Variants in NT5E observed in about 807,000 individuals in gnomAD.
NT5E encodes the protein 5'-nucleotidase.
A neutral mutation model predicts 55.1 loss-of-function variants in NT5E; 53 were observed. The ratio of observed to expected loss-of-function variants is 0.96; its 90% CI spans 0.77 to 1.21. The LOEUF is 1.21. NT5E is among the 50% of genes most tolerant of loss of function. NT5E has a pLI of 0.00. For missense variants in NT5E, 683 were observed against 724.3 expected, an observed-to-expected ratio of 0.94 and a Z score of 0.65; for synonymous variants, 270 against 278.4, an observed-to-expected ratio of 0.97 and a Z score of 0.30.
chr6:85,486,577 T>C (rs1769668581), intron 4 of NT5E, among the ~76,000 whole-genome samples: 6 of 152,212 alleles, frequency 3.9e-5, no homozygotes, highest in Admixed American at 2.6e-4. Context: ...GGGATAGGAA[T>C]CTTGGTGATG....
At position 85,494,195 on chromosome 6, in the gene NT5E, A is replaced by C. The variant is rs922926512; in HGVS notation, c.*191A>C. 20 of 616,652 alleles carry C rather than the reference A, an allele frequency of 3.2e-5. No homozygotes were observed. Among genetic ancestry groups the C allele is most frequent in the Non-Finnish European group, 5.1e-5 (18 of 353,384 alleles). 38.2% of individuals were successfully genotyped at this position (616,652 alleles called of 1,614,324 possible). On this transcript the variant is annotated 3_prime_UTR_variant, in exon 9 of 9. Coordinates refer to ENST00000257770, the MANE Select transcript of NT5E (RefSeq NM_002526.4). ...GGTCAGCAACCTAGTGAGTTAGAAA[A>C]AAAATTAACATAGGGCCCTATAAGG... is the stretch of plus-strand genomic sequence containing the variant.
intron 4 of NT5E, among the ~76,000 whole-genome samples, chr6:85,486,020 C>T (rs1769651440): frequency 6.6e-6 from 1 of 152,130 alleles, no homozygotes. Flanking sequence ...GCCTTCTGGT[C>T]CTGCGGTGCC....
At chr6:85,472,983 T>C (rs1769349719) in intron 3 of NT5E, among the ~76,000 whole-genome samples, 1 of 152,066 alleles carries the variant, frequency 6.6e-6, no homozygotes, top group African/African-American at 2.4e-5. Flanking sequence ...TATTGTTCCA[T>C]GGGAAAAGAT....
chr6:85,476,757 A>G (rs6454469), intron 3 of NT5E, among the ~76,000 whole-genome samples: 116,845 of 152,020 alleles, frequency 0.77, 46,111 homozygotes, highest in African/African-American at 0.94. Flanking sequence ...GGCCATCCCC[A>G]GCTGAACTCT....
Position 85,467,167 on chromosome 6 carries a change from A to T in NT5E, c.447A>T (p.Pro149=). 1.2e-6 allele frequency: 2 copies of T among 1,614,196 alleles called. No individual in the cohort carries two copies. The highest frequency in any genetic ancestry group is 1.7e-6 in the Non-Finnish European group (2 of 1,180,016). The change falls in exon 2 of 9, where the codon CCA becomes CCT. Residue 149 remains proline, a synonymous_variant. Transcript: ENST00000257770. ...ILSANIKAKG[P]LASQISGLYL... is the part of the protein sequence containing the mutation. ...GTGCAAACATTAAAGCAAAGGGGCC[A>T]CTAGCATCTCAAATATCAGGACTTT...
At chr6:85,460,473 A>T (rs2127754926) in intron 1 of NT5E, among the ~76,000 whole-genome samples, 1 of 152,358 alleles carries the variant, frequency 6.6e-6, no homozygotes, top group East Asian at 1.9e-4. Context: ...TTAGCAAGTA[A>T]CAAATGGTAG....
At chr6:85,480,333 C>T (rs1450980331) in intron 3 of NT5E, among the ~76,000 whole-genome samples, 7 of 152,190 alleles carry the variant, frequency 4.6e-5, no homozygotes, top group African/African-American at 1.2e-4. Context: ...TAAATTGAAG[C>T]ATGTGCAGAG....
intron 1 of NT5E, among the ~76,000 whole-genome samples, chr6:85,464,948 A>C (rs939667988): frequency 6.6e-6 from 1 of 152,198 alleles, no homozygotes; most frequent in African/African-American, 2.4e-5. Context: ...AGAGGCTTTG[A>C]GCCTGGTAAG....
chr6:85,475,484 G>A (rs1769413837), intron 3 of NT5E, among the ~76,000 whole-genome samples: 1 of 152,166 alleles, frequency 6.6e-6, no homozygotes, highest in Admixed American at 6.5e-5. Context: ...TGAAGAGAAG[G>A]GAACTTCCCT....
chr6:85,480,254 C>T (rs147514614), intron 3 of NT5E, among the ~76,000 whole-genome samples: 6 of 152,286 alleles, frequency 3.9e-5, no homozygotes, highest in African/African-American at 9.6e-5. Context: ...TGTATACTAC[C>T]GGAAGATGCA....
intron 2 of NT5E, among the ~76,000 whole-genome samples, chr6:85,470,690 C>T (rs958614319): frequency 6.6e-6 from 1 of 152,358 alleles, no homozygotes. Context: ...GATCTGCCTG[C>T]TGCAGCCTCC....
At chr6:85,486,024 C>T (rs1394497461) in intron 4 of NT5E, among the ~76,000 whole-genome samples, 1 of 152,116 alleles carries the variant, frequency 6.6e-6, no homozygotes, top group Non-Finnish European at 1.5e-5. Flanking sequence ...TCTGGTCCTG[C>T]GGTGCCAACA....
chr6:85,470,019 G>A (rs1047121253), intron 2 of NT5E, among the ~76,000 whole-genome samples: 6 of 152,186 alleles, frequency 3.9e-5, no homozygotes, highest in African/African-American at 1.4e-4. Context: ...CATTTTGAAA[G>A]CTTTTAATGA....
chr6:85,460,800 C>T (rs550189206), intron 1 of NT5E, among the ~76,000 whole-genome samples: 7 of 152,252 alleles, frequency 4.6e-5, no homozygotes, highest in African/African-American at 1.4e-4. Context: ...AATGAAAACA[C>T]GTGGTGTGAG....
At chr6:85,470,727 C>T (rs1198629821) in intron 2 of NT5E, among the ~76,000 whole-genome samples, 2 of 152,190 alleles carry the variant, frequency 1.3e-5, no homozygotes, top group Non-Finnish European at 2.9e-5. Flanking sequence ...CAAGCGTGAG[C>T]CACTGTGCCT....
At chr6:85,492,453 T>C (rs1192420154) in intron 8 of NT5E, among the ~76,000 whole-genome samples, 3 of 152,198 alleles carry the variant, frequency 2.0e-5, no homozygotes, top group African/African-American at 7.2e-5. Context: ...GCTATTTAAA[T>C]TGTGAAATAT....
At chr6:85,476,652 G>C (rs1286605296) in intron 3 of NT5E, among the ~76,000 whole-genome samples, 2 of 152,218 alleles carry the variant, frequency 1.3e-5, no homozygotes, top group East Asian at 3.8e-4. Context: ...TGAAGATGGT[G>C]AATGTGGAGA....
Position 85,450,930 on chromosome 6 carries a change from C to T in NT5E, c.339+452C>T, listed in dbSNP as rs950173735. Reference sequence around the variant, plus strand: ...AAGAAGCTGAATAAATTAACAGGCACCATCCCCGCAAAAAGGGAGACGTGA... The same window carrying T: ...AAGAAGCTGAATAAATTAACAGGCATCATCCCCGCAAAAAGGGAGACGTGA... On this transcript the variant is annotated intron_variant, in intron 1 of 8. Transcript: ENST00000257770. This position sits in a 1 kb window ranked among gnomAD's most constrained non-coding sequence, Gnocchi z 4.0. Among the ~76,000 whole-genome samples, 1 of 152,164 alleles carries T rather than the reference C, an allele frequency of 6.6e-6. No homozygotes were observed. The highest frequency in any genetic ancestry group is 6.5e-5 in the Admixed American group (1 of 15,280).
At chr6:85,456,969 A>G (rs1166618361) in intron 1 of NT5E, among the ~76,000 whole-genome samples, 4 of 152,202 alleles carry the variant, frequency 2.6e-5, no homozygotes, top group Non-Finnish European at 4.4e-5. Context: ...AGTAGTGCAC[A>G]TAATGTGCTT....
Sources: gnomAD v4.1 joint callset for allele counts (sites outside exome capture counted in the v4.1 genomes callset) on GRCh38, gnomAD v4.1.1 for gene constraint, Gnocchi (gnomAD v3.1) non-coding constraint, MANE v1.5 for transcripts, NCBI Gene and HGNC (gene_info 2026-07-23, HGNC 2026-07-21) for gene names.